The following RAD51B variants were observed in gnomAD, a reference collection of about 807,000 sequenced individuals.
RAD51B encodes the protein DNA repair protein RAD51 homolog 2.
A neutral mutation model predicts 42.2 loss-of-function variants in RAD51B; 38 were observed. The observed-to-expected ratio is 0.90, with a 90% confidence interval of 0.70 to 1.18. The LOEUF (loss-of-function observed/expected upper bound fraction) is 1.18. RAD51B is among the 50% of genes most tolerant of loss of function. The pLI is 0.00. For missense variants in RAD51B, 373 were observed against 400.7 expected, an observed-to-expected ratio of 0.93 and a Z score of 0.59; for synonymous variants, 154 against 145.2, an observed-to-expected ratio of 1.06 and a Z score of -0.43.
chr14:67,874,041 A>G (rs1660260137), intron 5 of RAD51B, among the ~76,000 whole-genome samples: 1 of 151,980 alleles, frequency 6.6e-6, no homozygotes, highest in Non-Finnish European at 1.5e-5. Flanking sequence ...ATACATATGT[A>G]ACTAACCTGC....
chr14:68,200,646 T>G (rs988584688), intron 7 of RAD51B, among the ~76,000 whole-genome samples: 4 of 151,530 alleles, frequency 2.6e-5, no homozygotes, highest in African/African-American at 9.8e-5. Context: ...GTTGGTAAAA[T>G]AAATCAATAA....
At chr14:68,652,227 T>C (rs968551645) in intron 11 of RAD51B, among the ~76,000 whole-genome samples, 1 of 152,250 alleles carries the variant, frequency 6.6e-6, no homozygotes, top group East Asian at 1.9e-4. Context: ...GCCCGCAGTC[T>C]GCGCTCCAGA....
downstream of RAD51B, among the ~76,000 whole-genome samples, chr14:68,615,737 C>T (rs1014288411): frequency 1.3e-5 from 2 of 152,122 alleles, no homozygotes; most frequent in Non-Finnish European, 2.9e-5. Flanking sequence ...ATTAATATAG[C>T]TACTCCAGCT....
At chr14:68,053,220 A>G (rs146761313) in intron 7 of RAD51B, among the ~76,000 whole-genome samples, 2 of 152,294 alleles carry the variant, frequency 1.3e-5, no homozygotes, top group African/African-American at 2.4e-5. Flanking sequence ...TTTAGGGTAT[A>G]GTTTTGAATT....
intron 7 of RAD51B, among the ~76,000 whole-genome samples, chr14:68,275,047 A>G (rs994449848): frequency 1.3e-5 from 2 of 152,218 alleles, no homozygotes; most frequent in South Asian, 2.1e-4. Context: ...CCCATGACCA[A>G]GATTTCTGTC....
intron 7 of RAD51B, among the ~76,000 whole-genome samples, chr14:68,087,915 A>AT (rs1210178051): frequency 5.8e-5 from 7 of 120,220 alleles, no homozygotes; most frequent in Non-Finnish European, 8.0e-5. Flanking sequence ...TAATTATATA[A>AT]TATATTATAT....
intron 7 of RAD51B, among the ~76,000 whole-genome samples, chr14:68,088,691 A>G (rs201349711): frequency 1.5e-3 from 94 of 61,350 alleles, no homozygotes; most frequent in South Asian, 2.1e-3. Flanking sequence ...GTGGCGGGGG[A>G]TGAAGGAAGT....
chr14:68,073,628 G>A (rs569068441), intron 7 of RAD51B, among the ~76,000 whole-genome samples: 119 of 152,184 alleles, frequency 7.8e-4, no homozygotes, highest in African/African-American at 2.8e-3. Context: ...GATGGTCTTT[G>A]TATTTGAGTA....
At chr14:68,143,406 C>T (rs1397488118) in intron 7 of RAD51B, among the ~76,000 whole-genome samples, 1 of 152,168 alleles carries the variant, frequency 6.6e-6, no homozygotes, top group African/African-American at 2.4e-5. Flanking sequence ...ATGTGCTAAT[C>T]TCCAAAGAAG....
At chr14:68,404,872 A>G (rs2084220965) in intron 8 of RAD51B, among the ~76,000 whole-genome samples, 1 of 152,200 alleles carries the variant, frequency 6.6e-6, no homozygotes, top group Non-Finnish European at 1.5e-5. Flanking sequence ...CAGATGAGTG[A>G]TAAGATCCTC....
At chr14:68,086,954 G>A (rs1476645358) in intron 7 of RAD51B, among the ~76,000 whole-genome samples, 2 of 152,040 alleles carry the variant, frequency 1.3e-5, no homozygotes, top group African/African-American at 2.4e-5. Flanking sequence ...TGACCAACAT[G>A]ATGAAACCTC....
At chr14:67,950,466 G>T (rs983942608) in intron 7 of RAD51B, among the ~76,000 whole-genome samples, 1 of 152,168 alleles carries the variant, frequency 6.6e-6, no homozygotes, top group Non-Finnish European at 1.5e-5. Flanking sequence ...GAGAGTTAGG[G>T]CCTTGCTCTG....
intron 7 of RAD51B, among the ~76,000 whole-genome samples, chr14:67,961,976 A>G (rs1951049723): frequency 6.6e-6 from 1 of 152,200 alleles, no homozygotes; most frequent in Admixed American, 6.5e-5. Context: ...ACACACATAC[A>G]TGTACCTACA....
intron 9 of RAD51B, among the ~76,000 whole-genome samples, chr14:68,450,206 CTTTTTTTTTTTT>C (rs67536658): frequency 1.0e-4 from 5 of 47,906 alleles, no homozygotes; most frequent in Admixed American, 3.2e-4. Context: ...GAGCTTAGGG[CTTTTTTTTTTTT>C]TTTTTTTTTT....
At chr14:68,394,484 G>C (rs1386805176) in intron 8 of RAD51B, among the ~76,000 whole-genome samples, 2 of 149,880 alleles carry the variant, frequency 1.3e-5, no homozygotes, top group Non-Finnish European at 3.0e-5. Context: ...TTCCTTCCTG[G>C]GTTTGCCACC....
chr14:68,223,869 TG>T lies in RAD51B; in HGVS notation c.757-68014del, dbSNP rs1344162724. On this transcript the variant is annotated intron_variant, in intron 7 of 10. Coordinates refer to ENST00000471583, the MANE Select transcript of RAD51B (RefSeq NM_133510.4). ...TTTCTTTATGGTTTATGTTTCATGC[TG>T]TGCTGCTTAGCCAGCAGGGAGGGAG... 6.4e-4 allele frequency among the ~76,000 whole-genome samples: 97 copies of T among 152,378 alleles called. 1 individual carries two copies. Among genetic ancestry groups the T allele is most frequent in the African/African-American group, 2.3e-3 (95 of 41,588 alleles).
At chr14:67,950,943 C>T (rs1450554655) in intron 7 of RAD51B, among the ~76,000 whole-genome samples, 3 of 152,122 alleles carry the variant, frequency 2.0e-5, no homozygotes, top group African/African-American at 7.2e-5. Context: ...CCTGGTGGAA[C>T]AGTCAGAACA....
At chr14:68,252,768 A>G (rs2080663891) in intron 7 of RAD51B, among the ~76,000 whole-genome samples, 1 of 152,134 alleles carries the variant, frequency 6.6e-6, no homozygotes, top group Admixed American at 6.5e-5. Flanking sequence ...AAGCAATGTT[A>G]TATGTTCTTT....
chr14:68,464,208 T>C lies in RAD51B; in HGVS notation c.958-3964T>C, dbSNP rs200494538. ...ACCTCTTTCTCTAAATTTTTTGTCT[T>C]CTGTTACCTTCCCATCAATTCAGCA... On this transcript the variant is annotated intron_variant, in intron 9 of 10. Coordinates refer to ENST00000471583, the MANE Select transcript of RAD51B (RefSeq NM_133510.4). 7.2e-5 allele frequency among the ~76,000 whole-genome samples: 11 copies of C among 152,352 alleles called. No homozygotes were observed. The East Asian group carries it at 2.1e-3, about 29-fold the overall frequency.
Sources: gnomAD v4.1 joint callset for allele counts (sites outside exome capture counted in the v4.1 genomes callset) on GRCh38, gnomAD v4.1.1 for gene constraint, MANE v1.5 for transcripts, NCBI Gene and HGNC (gene_info 2026-07-23, HGNC 2026-07-21) for gene names.